Variants in ARRDC4 observed in about 807,000 individuals in gnomAD.
ARRDC4 encodes the protein arrestin domain-containing protein 4.
Under a neutral mutation model 44.6 loss-of-function variants are expected in ARRDC4, and 40 were observed. That is an observed-to-expected ratio of 0.90 (90% CI 0.70 to 1.17). The LOEUF (loss-of-function observed/expected upper bound fraction) is 1.17, where lower values mean the gene tolerates loss of function less well. ARRDC4 is among the 50% of genes most tolerant of loss of function. The probability of loss-of-function intolerance (pLI) is 0.00; values close to 1 mark genes in which losing one functional copy is unlikely to be tolerated. For synonymous variants in ARRDC4, 211 were observed against 221.2 expected (o/e 0.95, Z 0.41); for missense variants, 550 against 559.1 (o/e 0.98, Z 0.16).
chr15:97,970,167 C>G lies in ARRDC4; in HGVS notation c.1045+122C>G. 9.2e-7 allele frequency: 1 copy of G among 1,089,484 alleles called. No homozygotes were observed. The highest frequency in any genetic ancestry group is 1.2e-6 in the Non-Finnish European group (1 of 808,780). 67.5% of individuals were successfully genotyped at this position (1,089,484 alleles called of 1,614,324 possible). On this transcript the variant is annotated intron_variant, in intron 6 of 7. Transcript: ENST00000268042. This position sits in a 1 kb window ranked among gnomAD's most constrained non-coding sequence, Gnocchi z 4.2. ...ACTGCTACTATAGGTATCTTTATTC[C>G]TACTACTAAAAAATCAGAAAGCATT...
Position 97,971,202 on chromosome 15 carries a change from T to C in ARRDC4, c.*15T>C. The C allele has an allele frequency of 6.2e-7, 1 of 1,609,010 alleles. No homozygotes were observed. Among genetic ancestry groups the C allele is most frequent in the South Asian group, 1.1e-5 (1 of 90,956 alleles). ...TCATTCTCTGAACGTATTTCAGAAA[T>C]CACTGTGTTCATCATCAAATTAGAA... On this transcript the variant is annotated 3_prime_UTR_variant, in exon 8 of 8. Transcript: ENST00000268042.
At chr15:97,963,238 T>C (rs1899352189) in intron 1 of ARRDC4, among the ~76,000 whole-genome samples, 1 of 152,200 alleles carries the variant, frequency 6.6e-6, no homozygotes, top group African/African-American at 2.4e-5. Context: ...GTGCTCAGTA[T>C]ACAAGACAGA....
rs557339366 is a variant in ARRDC4, at chr15:97,971,130, G to C, written c.1201-1G>C. 3 of 1,612,452 alleles carry C rather than the reference G, an allele frequency of 1.9e-6. No individual in the cohort carries two copies. The highest frequency in any genetic ancestry group is 2.5e-6 in the Non-Finnish European group (3 of 1,179,082). ...AATCTCAGTCCGCTCTTTTTTTGCA[G>C]GTTGACCCACATCCTAGCGACGTAG... On this transcript the variant is annotated splice_acceptor_variant, in intron 7 of 7. Transcript: ENST00000268042. LOFTEE classifies it high-confidence loss of function.
intron 1 of ARRDC4, among the ~76,000 whole-genome samples, chr15:97,964,834 G>T (rs187774418): frequency 6.6e-6 from 1 of 152,138 alleles, no homozygotes; most frequent in South Asian, 2.1e-4. Flanking sequence ...TATTCATAAA[G>T]TTTTCACTCC....
intron 1 of ARRDC4, among the ~76,000 whole-genome samples, chr15:97,962,049 G>A (rs1487198967): frequency 6.6e-6 from 1 of 152,170 alleles, no homozygotes; most frequent in East Asian, 1.9e-4. Flanking sequence ...CTCATTTCAT[G>A]GATGGAAACT....
At chr15:97,969,849 C>A in intron 5 of ARRDC4, 34 bp from the exon 6 acceptor site, 2 of 1,485,368 alleles carry the variant, frequency 1.3e-6, no homozygotes, top group Non-Finnish European at 9.1e-7. Context: ...TACATTTGTT[C>A]CTTTCTCTTT....
Position 97,970,623 on chromosome 15 carries a change from A to G in ARRDC4, c.1080A>G (p.Glu360=). 1 of 1,613,230 alleles carries G rather than the reference A, an allele frequency of 6.2e-7. No individual in the cohort carries two copies. Among genetic ancestry groups the G allele is most frequent in the Non-Finnish European group, 8.5e-7 (1 of 1,179,414 alleles). Residue 360 remains glutamate (E), a synonymous_variant, in exon 7 of 8, where the codon GAA becomes GAG. Coordinates refer to ENST00000268042, the MANE Select transcript of ARRDC4 (RefSeq NM_183376.3). This position sits in a 1 kb window ranked among gnomAD's most constrained non-coding sequence, Gnocchi z 4.2. ...ATTATGCAGATGTGGTATCAGAGGA[A>G]GAATTCTCTAGACACATTCCTCCTT... ...PPNYADVVSE[E]EFSRHIPPYP...
chr15:97,961,126 G>T lies in ARRDC4; in HGVS notation c.265G>T (p.Glu89Ter). The stretch of plus-strand genomic sequence containing the variant: ...GGCCCTGGCTGTCTTCTCGGAGGTG[G>T]AGTACCTGAACGTGCGCCTCAGCCT... Reference protein sequence around the residue: ...TAALAVFSEVEYLNVRLSLRE... With the variant: ...TAALAVFSEV The change falls in exon 1 of 8, where the codon GAG becomes TAG. Residue 89 changes from glutamate (E) to a stop codon, truncating the protein, a stop_gained. Transcript: ENST00000268042. LOFTEE classifies it high-confidence loss of function. 6.9e-7 allele frequency: 1 copy of T among 1,459,806 alleles called. No individual in the cohort carries two copies. Among genetic ancestry groups the T allele is most frequent in the Admixed American group, 2.6e-5 (1 of 37,898 alleles). The allele number at this position is 1,459,806 out of a possible 1,614,324, so 90.4% of individuals were successfully genotyped here. A position where few individuals can be genotyped will look rare whatever the true frequency, so the allele number is the denominator to read the frequency against.
Position 97,968,588 on chromosome 15 carries a change from G to A in ARRDC4, c.625+472G>A, listed in dbSNP as rs1412000229. Among the ~76,000 whole-genome samples the A allele has an allele frequency of 2.0e-5, 3 of 152,202 alleles. No individual in the cohort carries two copies. Among genetic ancestry groups the A allele is most frequent in the Non-Finnish European group, 4.4e-5 (3 of 68,032 alleles). On this transcript the variant is annotated intron_variant, in intron 4 of 7. Transcript: ENST00000268042. This position sits in a 1 kb window ranked among gnomAD's most constrained non-coding sequence, Gnocchi z 5.4. ...TAGTGAAGGGCCCATTTCCAGCAGT[G>A]GATTTGGCCCCTGCTCCAGGATTCT...
Position 97,967,791 on chromosome 15 carries a change from T to C in ARRDC4, c.523-223T>C, listed in dbSNP as rs928531302. ...GTAAAATAAGATGGTGTCATGCTAA[T>C]TTTTGAATCTGAAAATTCACTGTAG... On this transcript the variant is annotated intron_variant, in intron 3 of 7. Coordinates refer to ENST00000268042, the MANE Select transcript of ARRDC4 (RefSeq NM_183376.3). This position sits in a 1 kb window ranked among gnomAD's most constrained non-coding sequence, Gnocchi z 5.0. Among the ~76,000 whole-genome samples the C allele has an allele frequency of 9.9e-5, 15 of 152,268 alleles. No homozygotes were observed. In the South Asian group the frequency reaches 2.5e-3, roughly 25 times the overall value.
chr15:97,969,069 G>T (rs1899463702), intron 4 of ARRDC4, 54 bp from the exon 5 acceptor site: 2 of 1,581,970 alleles, frequency 1.3e-6, no homozygotes, highest in African/African-American at 1.3e-5. Context: ...ATCCATTGTG[G>T]TGAGAACTTT....
Position 97,971,122 on chromosome 15 carries a change from T to C in ARRDC4, c.1201-9T>C. The C allele has an allele frequency of 6.2e-7, 1 of 1,613,134 alleles. No individual in the cohort carries two copies. The highest frequency in any genetic ancestry group is 1.1e-5 in the South Asian group (1 of 91,048). On this transcript the variant is annotated splice_polypyrimidine_tract_variant and intron_variant, in intron 7 of 7. Coordinates refer to ENST00000268042, the MANE Select transcript of ARRDC4 (RefSeq NM_183376.3). ...ACAACACTAATCTCAGTCCGCTCTT[T>C]TTTTGCAGGTTGACCCACATCCTAG... is the stretch of plus-strand genomic sequence containing the variant.
chr15:97,969,963 T>C lies in ARRDC4; in HGVS notation c.963T>C (p.Phe321=), dbSNP rs1899481825. 1.9e-6 allele frequency: 3 copies of C among 1,613,260 alleles called. No homozygotes were observed. The highest frequency in any genetic ancestry group is 2.5e-6 in the Non-Finnish European group (3 of 1,179,574). Residue 321 remains phenylalanine (F), a synonymous_variant, in exon 6 of 8, where the codon TTT becomes TTC. Coordinates refer to ENST00000268042, the MANE Select transcript of ARRDC4 (RefSeq NM_183376.3). ...LVIGTIPYNG[F]GSRNSSIASQ... ...TCGGTACAATTCCATATAATGGTTTTGGCAGCAGAAACTCCAGCATTGCCA... is the reference window on the plus strand; with the variant it reads ...TCGGTACAATTCCATATAATGGTTTCGGCAGCAGAAACTCCAGCATTGCCA...
Position 97,966,971 on chromosome 15 carries a change from G to T in ARRDC4, c.522+929G>T, listed in dbSNP as rs75818944. 2.0e-5 allele frequency among the ~76,000 whole-genome samples: 3 copies of T among 152,070 alleles called. No individual in the cohort carries two copies. The highest frequency in any genetic ancestry group is 3.2e-3 in the Middle Eastern group (1 of 316). On this transcript the variant is annotated intron_variant, in intron 3 of 7. Coordinates refer to ENST00000268042, the MANE Select transcript of ARRDC4 (RefSeq NM_183376.3). The surrounding 1 kb of genome is among the most constrained non-coding windows in gnomAD (Gnocchi z 4.7). ...AAGTTGTTGTTTAAGTCTTATTTTC[G>T]CATGAGAAAGAAATAGAATTTAATG...
rs1005033557 is a variant in ARRDC4 at position 97,967,712 on chromosome 15, G to A, written c.523-302G>A. Among the ~76,000 whole-genome samples the A allele has an allele frequency of 6.6e-6, 1 of 151,276 alleles. No individual in the cohort carries two copies. Among genetic ancestry groups the A allele is most frequent in the Non-Finnish European group, 1.5e-5 (1 of 67,826 alleles). On this transcript the variant is annotated intron_variant, in intron 3 of 7. Transcript: ENST00000268042. This position sits in a 1 kb window ranked among gnomAD's most constrained non-coding sequence, Gnocchi z 5.0. Reference sequence around the variant, plus strand: ...GTTTATAAGTCCTAATACAGCTTTTGATTTTTTTTTAAAAAAATGGTATAT... The same window carrying A: ...GTTTATAAGTCCTAATACAGCTTTTAATTTTTTTTTAAAAAAATGGTATAT...
At chr15:97,962,010 C>T (rs1899332192) in intron 1 of ARRDC4, among the ~76,000 whole-genome samples, 1 of 152,124 alleles carries the variant, frequency 6.6e-6, no homozygotes, top group Non-Finnish European at 1.5e-5. Context: ...TCCCTTTAGT[C>T]ACGAAAATAC....
Position 97,969,159 on chromosome 15 carries a change from G to T in ARRDC4, c.662G>T (p.Cys221Phe), listed in dbSNP as rs1899465270. Residue 221 changes from cysteine (C) to phenylalanine (F), a missense_variant, in exon 5 of 8, where the codon TGT (cysteine) becomes TTT (phenylalanine). Cys to Phe is a radical substitution (Grantham distance 205). Coordinates refer to ENST00000268042, the MANE Select transcript of ARRDC4 (RefSeq NM_183376.3). The stretch of plus-strand genomic sequence containing the variant: ...CCAATCTATGCAGAAATAGAAAATT[G>T]TTCCTCTCGTCTGATTGTTCCAAAG... ...AIPIYAEIENCSSRLIVPKAA... is the reference protein window; with the variant it reads ...AIPIYAEIENFSSRLIVPKAA... The T allele has an allele frequency of 1.2e-6, 2 of 1,613,800 alleles. No individual in the cohort carries two copies. The highest frequency in any genetic ancestry group is 4.5e-5 in the East Asian group (2 of 44,874).
Position 97,972,802 on chromosome 15 carries a change from G to GT in ARRDC4, c.*1617dup, listed in dbSNP as rs991133781. On this transcript the variant is annotated 3_prime_UTR_variant, in exon 8 of 8. Transcript: ENST00000268042. The surrounding 1 kb of genome is among the most constrained non-coding windows in gnomAD (Gnocchi z 5.3). ...CTAAGGTTAAATTTTGTATTTAAAAGTTAGTTGGCCATTTGATCAGGGAAT... is the reference window on the plus strand; with the variant it reads ...CTAAGGTTAAATTTTGTATTTAAAAGTTTAGTTGGCCATTTGATCAGGGAAT... 1 of 152,598 alleles carries GT rather than the reference G, an allele frequency of 6.6e-6. No individual in the cohort carries two copies. The highest frequency in any genetic ancestry group is 6.6e-5 in the Admixed American group (1 of 15,266). 9.5% of individuals were successfully genotyped at this position (152,598 alleles called of 1,614,324 possible).
rs1256218727 is a variant in ARRDC4 at position 97,968,520 on chromosome 15, G to A, written c.625+404G>A. On this transcript the variant is annotated intron_variant, in intron 4 of 7. Coordinates refer to ENST00000268042, the MANE Select transcript of ARRDC4 (RefSeq NM_183376.3). The surrounding 1 kb of genome is among the most constrained non-coding windows in gnomAD (Gnocchi z 5.4). ...CAAATGCATGGGACTGGAATGTAGT[G>A]TATTAACAAACTTAACAATCAGATT... Among the ~76,000 whole-genome samples, 1 of 152,202 alleles carries A rather than the reference G, an allele frequency of 6.6e-6. No homozygotes were observed. Among genetic ancestry groups the A allele is most frequent in the Non-Finnish European group, 1.5e-5 (1 of 68,036 alleles).
Sources: allele counts gnomAD v4.1 joint callset (sites outside exome capture counted in the v4.1 genomes callset), GRCh38; gene constraint gnomAD v4.1.1; non-coding constraint Gnocchi (gnomAD v3.1); transcripts MANE v1.5; gene names NCBI Gene and HGNC (gene_info 2026-07-23, HGNC 2026-07-21).